TTC28: variants seen among roughly 807,000 people sequenced by gnomAD.
The protein encoded by TTC28 is tetratricopeptide repeat protein 28.
TTC28 carries 61 observed loss-of-function variants against 198.0 expected under a neutral mutation model. The observed-to-expected ratio is 0.31, with a 90% CI of 0.25 to 0.38. The LOEUF (loss-of-function observed/expected upper bound fraction) is 0.38, where lower values mean the gene tolerates loss of function less well. TTC28 is among the 10% of genes least tolerant of loss of function. TTC28 has a pLI of 1.00. For synonymous variants in TTC28, 1,171 were observed against 1,297.8 expected, an observed-to-expected ratio of 0.90 and a Z score of 2.10; for missense variants, 2,678 against 3,164.0, an observed-to-expected ratio of 0.85 and a Z score of 3.69.
chr22:28,084,219 T>G (rs1044926264), intron 12 of TTC28, among the ~76,000 whole-genome samples: 2 of 152,180 alleles, frequency 1.3e-5, no homozygotes, highest in Non-Finnish European at 2.9e-5. Flanking sequence ...CCTCCTCAAG[T>G]GGGTCCCTGA....
In TTC28 at chr22:28,629,580, G is replaced by A. The variant is rs764848984; in HGVS notation, c.353C>T (p.Ala118Val). ...YDKALDDAIK[A>V]RLLNPKWPKA... Reference sequence around the variant, plus strand: ...TGGCCACTTGGGATTGAGAAGTCGAGCTTTGATTGCATCATCCAGTGCCTT... The same window carrying A: ...TGGCCACTTGGGATTGAGAAGTCGAACTTTGATTGCATCATCCAGTGCCTT... Residue 118 changes from alanine to valine, a missense_variant, in exon 2 of 23, where the codon GCT becomes GTT. Ala to Val is a moderately conservative substitution (Grantham distance 64). This residue lies in a region of TTC28 where 176 missense variants were observed against 197.9 expected (regional missense o/e 0.89). Transcript: ENST00000397906. The A allele has an allele frequency of 3.2e-6, 5 of 1,551,316 alleles. No homozygotes were observed. The African/African-American group carries it at 5.5e-5, about 17-fold the overall frequency.
chr22:28,673,409 C>T (rs1359045638), intron 1 of TTC28, among the ~76,000 whole-genome samples: 1 of 152,106 alleles, frequency 6.6e-6, no homozygotes. Flanking sequence ...TAAGAGAATG[C>T]ATTATTATTG....
chr22:28,578,533 A>G (rs893955826), intron 2 of TTC28, among the ~76,000 whole-genome samples: 2 of 152,172 alleles, frequency 1.3e-5, no homozygotes, highest in Non-Finnish European at 2.9e-5. Context: ...CCACCACTAC[A>G]GGAACACCAA....
chr22:28,472,552 ATG>A (rs3053555), intron 2 of TTC28, among the ~76,000 whole-genome samples: 30,805 of 114,404 alleles, frequency 0.27, 3,296 homozygotes, highest in South Asian at 0.3. Flanking sequence ...GAAAATGTGT[ATG>A]TGTGTGTGTG....
intron 2 of TTC28, among the ~76,000 whole-genome samples, chr22:28,422,076 T>C (rs1294174483): frequency 1.3e-5 from 2 of 152,132 alleles, no homozygotes; most frequent in East Asian, 3.9e-4. Flanking sequence ...CCAGTGATAA[T>C]TGTTAAAATG....
At chr22:28,151,603 G>A (rs1284522748) in intron 6 of TTC28, among the ~76,000 whole-genome samples, 2 of 152,202 alleles carry the variant, frequency 1.3e-5, no homozygotes, top group South Asian at 2.1e-4. Flanking sequence ...ATTAGGCACC[G>A]ATAGGTGTGG....
intron 3 of TTC28, 83 bp downstream of exon 3, chr22:28,306,413 C>T: frequency 6.9e-7 from 1 of 1,443,936 alleles, no homozygotes; most frequent in Non-Finnish European, 9.3e-7. Flanking sequence ...TATCAATTCT[C>T]TGTGCCTGAG....
At chr22:28,539,298 C>T (rs2049361023) in intron 2 of TTC28, among the ~76,000 whole-genome samples, 1 of 152,018 alleles carries the variant, frequency 6.6e-6, no homozygotes, top group Non-Finnish European at 1.5e-5. Context: ...GTAGAGGTTG[C>T]TAGGAGATAA....
intron 5 of TTC28, among the ~76,000 whole-genome samples, chr22:28,284,068 C>T (rs1042396146): frequency 6.6e-6 from 1 of 152,176 alleles, no homozygotes; most frequent in African/African-American, 2.4e-5. Flanking sequence ...TCCAAACCAA[C>T]AGGCATTTAT....
At chr22:28,513,832 T>C (rs755549885) in intron 2 of TTC28, among the ~76,000 whole-genome samples, 46 of 152,196 alleles carry the variant, frequency 3.0e-4, no homozygotes, top group Middle Eastern at 3.4e-3. Flanking sequence ...AAATCTAAAA[T>C]GAAATATCAA....
At chr22:28,306,790 T>A in intron 2 of TTC28, 147 bp from the exon 3 acceptor site, 1 of 808,368 alleles carries the variant, frequency 1.2e-6, no homozygotes, top group Non-Finnish European at 1.9e-6. Context: ...TGAAATGAAC[T>A]AACTTCTAAC....
At chr22:28,593,469 CTAGGTAGGTAGGTAGG>C (rs10542907) in intron 2 of TTC28, among the ~76,000 whole-genome samples, 4,542 of 148,290 alleles carry the variant, frequency 0.031, 234 homozygotes, top group African/African-American at 0.11. Context: ...AGGTAGGTAG[CTAGGTAGGTAGGTAGG>C]TAGGTAGGTA....
At chr22:28,250,690 A>G (rs1930451485) in intron 5 of TTC28, among the ~76,000 whole-genome samples, 1 of 152,246 alleles carries the variant, frequency 6.6e-6, no homozygotes, top group Admixed American at 6.5e-5. Flanking sequence ...TTAGCAAAGG[A>G]AAAAAGTCTG....
chr22:27,983,880 A>G (rs138636), intron 22 of TTC28, 29 bp from the exon 23 acceptor site: 134,344 of 1,529,802 alleles, frequency 0.088, 6,574 homozygotes, highest in African/African-American at 0.17. Context: ...GGCCCCAAGG[A>G]CAGTTAGAAT....
Position 28,408,449 on chromosome 22 carries a change from G to A in TTC28, c.382-101806C>T, listed in dbSNP as rs991320835. 2.0e-5 allele frequency among the ~76,000 whole-genome samples: 3 copies of A among 151,984 alleles called. No homozygotes were observed. The South Asian group carries it at 6.2e-4, about 32-fold the overall frequency. ...TCTGTCACCCAGGCTGGAGTGCAGT[G>A]GCGTGATCTTGGCTCACTGCAACCT... On this transcript the variant is annotated intron_variant, in intron 2 of 22. Coordinates refer to ENST00000397906, the MANE Select transcript of TTC28 (RefSeq NM_001145418.2).
intron 12 of TTC28, among the ~76,000 whole-genome samples, chr22:28,086,407 A>ATGAC (rs1460489751): frequency 6.6e-6 from 1 of 152,192 alleles, no homozygotes; most frequent in Non-Finnish European, 1.5e-5. Flanking sequence ...CTGCTCCTGA[A>ATGAC]TGACTACTGG....
intron 13 of TTC28, among the ~76,000 whole-genome samples, chr22:28,023,097 G>A (rs942494221): frequency 1.3e-5 from 2 of 152,198 alleles, no homozygotes; most frequent in African/African-American, 4.8e-5. Context: ...ATCTGGAGCC[G>A]CATGTGGCTT....
chr22:28,227,375 T>C (rs927290202), intron 5 of TTC28, among the ~76,000 whole-genome samples: 2 of 152,172 alleles, frequency 1.3e-5, no homozygotes, highest in Non-Finnish European at 2.9e-5. Flanking sequence ...GTGACACAGC[T>C]CAAAATCAAT....
chr22:28,133,569 C>A (rs748169597), intron 6 of TTC28, among the ~76,000 whole-genome samples: 1 of 152,212 alleles, frequency 6.6e-6, no homozygotes, highest in South Asian at 2.1e-4. Context: ...TTATAACCCG[C>A]GCATGGCTCA....
Sources: allele counts gnomAD v4.1 joint callset (sites outside exome capture counted in the v4.1 genomes callset), GRCh38; gene constraint gnomAD v4.1.1; regional missense constraint gnomAD v4.1.1; transcripts MANE v1.5; gene names NCBI Gene and HGNC (gene_info 2026-07-23, HGNC 2026-07-21).